COL13A1: variants seen among roughly 807,000 people sequenced by gnomAD.
COL13A1 encodes the protein collagen alpha-1(XIII) chain.
Under a neutral mutation model 130.9 loss-of-function variants are expected in COL13A1, and 89 were observed. The ratio of observed to expected loss-of-function variants is 0.68; its 90% CI spans 0.57 to 0.81. The LOEUF (loss-of-function observed/expected upper bound fraction) is 0.81, where lower values mean the gene tolerates loss of function less well. COL13A1 is among the 30% of genes least tolerant of loss of function. The pLI is 0.00. For missense variants in COL13A1, 879 were observed against 934.6 expected, an observed-to-expected ratio of 0.94 and a Z score of 0.78; for synonymous variants, 402 against 341.6, an observed-to-expected ratio of 1.18 and a Z score of -1.95.
chr10:69,836,130 G>T (rs1168177615), intron 2 of COL13A1, among the ~76,000 whole-genome samples: 1 of 152,176 alleles, frequency 6.6e-6, no homozygotes, highest in Non-Finnish European at 1.5e-5. Context: ...CCACCAAACA[G>T]TTTTTGAGCA....
chr10:69,853,078 G>A (rs1445314509), intron 2 of COL13A1, among the ~76,000 whole-genome samples: 2 of 152,148 alleles, frequency 1.3e-5, no homozygotes, highest in Non-Finnish European at 2.9e-5. Context: ...TCTTCCTAGC[G>A]ATCAGCATCT....
intron 2 of COL13A1, among the ~76,000 whole-genome samples, chr10:69,825,321 A>C (rs1315875459): frequency 6.6e-6 from 1 of 152,208 alleles, no homozygotes; most frequent in Non-Finnish European, 1.5e-5. Flanking sequence ...GTTTATAAAC[A>C]ACTTTAAGGC....
At chr10:69,889,368 T>C in intron 9 of COL13A1, 46 bp from the exon 10 acceptor site, 3 of 1,595,214 alleles carry the variant, frequency 1.9e-6, no homozygotes, top group South Asian at 1.1e-5. Flanking sequence ...GTGGAACTTC[T>C]GGGCTGCGAA....
rs759296053 is a variant in COL13A1, at chr10:69,918,283, A to G, written c.967-2A>G. On this transcript the variant is annotated splice_acceptor_variant, in intron 18 of 40. Coordinates refer to ENST00000645393, the MANE Select transcript of COL13A1 (RefSeq NM_001368882.1). LOFTEE classifies it high-confidence loss of function. ...AGACCTTTTTTTTTCTCTCTCTGCC[A>G]GGGGGCGCCCGGAATTGCCGTGGCT... 13 of 1,610,490 alleles carry G rather than the reference A, an allele frequency of 8.1e-6. No homozygotes were observed. In the Admixed American group the frequency reaches 1.0e-4, roughly 12 times the overall value.
At chr10:69,808,655 C>T (rs1316812208) in intron 1 of COL13A1, among the ~76,000 whole-genome samples, 7 of 152,228 alleles carry the variant, frequency 4.6e-5, no homozygotes, top group African/African-American at 1.2e-4. Flanking sequence ...CATTGTACAA[C>T]GGTCTCTCCA....
intron 1 of COL13A1, among the ~76,000 whole-genome samples, chr10:69,816,447 T>C (rs1026228177): frequency 6.6e-6 from 1 of 151,676 alleles, no homozygotes; most frequent in Non-Finnish European, 1.5e-5. Flanking sequence ...AGCAGCCAGA[T>C]AGATGCATCT....
intron 7 of COL13A1, among the ~76,000 whole-genome samples, chr10:69,886,001 A>G (rs2134471178): frequency 6.6e-6 from 1 of 152,256 alleles, no homozygotes; most frequent in African/African-American, 2.4e-5. Flanking sequence ...TTCCCTGAGC[A>G]CAGGCCACTG....
intron 14 of COL13A1, among the ~76,000 whole-genome samples, chr10:69,899,995 C>A (rs1260677153): frequency 6.6e-6 from 1 of 152,198 alleles, no homozygotes; most frequent in Non-Finnish European, 1.5e-5. Flanking sequence ...CAGAGGGACA[C>A]GTGACTCCAG....
intron 32 of COL13A1, among the ~76,000 whole-genome samples, chr10:69,936,142 AAGG>A (rs1463505196): frequency 3.1e-4 from 1 of 3,204 alleles, no homozygotes; most frequent in African/African-American, 3.5e-4. Context: ...GGAAGGAAGG[AAGG>A]AAGGAAGGAA....
intron 1 of COL13A1, among the ~76,000 whole-genome samples, chr10:69,809,441 T>G (rs1277083118): frequency 6.6e-6 from 1 of 152,254 alleles, no homozygotes; most frequent in Non-Finnish European, 1.5e-5. Flanking sequence ...CACTAAATCC[T>G]CACAATAATC....
At chr10:69,855,954 T>G (rs1212659673) in intron 2 of COL13A1, among the ~76,000 whole-genome samples, 1 of 152,222 alleles carries the variant, frequency 6.6e-6, no homozygotes, top group Non-Finnish European at 1.5e-5. Flanking sequence ...CACCCATCCA[T>G]TCATTTAATT....
chr10:69,930,652 T>G, intron 30 of COL13A1, 100 bp downstream of exon 30: 1 of 1,355,872 alleles, frequency 7.4e-7, no homozygotes, highest in Non-Finnish European at 9.9e-7. Flanking sequence ...AGCTGCTGCC[T>G]GGGCTAGAAA....
intron 13 of COL13A1, among the ~76,000 whole-genome samples, chr10:69,897,839 G>T (rs1366384657): frequency 2.6e-5 from 4 of 152,212 alleles, no homozygotes; most frequent in Non-Finnish European, 2.9e-5. Flanking sequence ...TTTCACATGG[G>T]CTCTGATGGC....
At chr10:69,877,979 C>T (rs1213892730) in intron 5 of COL13A1, 60 bp from the exon 6 acceptor site, 8 of 699,112 alleles carry the variant, frequency 1.1e-5, no homozygotes, top group African/African-American at 5.2e-5. Context: ...TTCTCATCCC[C>T]TCTTTTTTCT....
chr10:69,956,938 CT>C, intron 39 of COL13A1, 65 bp from the exon 40 acceptor site: 1 of 1,342,436 alleles, frequency 7.4e-7, no homozygotes, highest in Non-Finnish European at 1.1e-6. Context: ...CTTGTTACCC[CT>C]GTCCTGCCCA....
rs4096395 is a variant in COL13A1 at position 69,956,753 on chromosome 10, C to T, written c.2146-251C>T. The T allele has an allele frequency of 0.23, 98,327 of 425,268 alleles. 12,751 individuals are homozygous for T. The highest frequency in any genetic ancestry group is 0.28 in the Admixed American group (8,361 of 29,988). The allele number at this position is 425,268 out of a possible 1,614,324, so 26.3% of individuals were successfully genotyped here. On this transcript the variant is annotated intron_variant, in intron 39 of 40. Coordinates refer to ENST00000645393, the MANE Select transcript of COL13A1 (RefSeq NM_001368882.1). ...AGGACATCTCTGCTTGCTGGTCCCA[C>T]GGGCTAGGACAGCCCCTATTGACGT...
intron 15 of COL13A1, 77 bp from the exon 16 acceptor site, chr10:69,904,856 A>G: frequency 6.7e-7 from 1 of 1,482,498 alleles, no homozygotes; most frequent in Non-Finnish European, 9.1e-7. Flanking sequence ...CCTAGGGTCT[A>G]CTGTAAGTAT....
Position 69,939,691 on chromosome 10 carries a change from G to A in COL13A1, c.1879-1297G>A, listed in dbSNP as rs546728820. On this transcript the variant is annotated intron_variant, in intron 34 of 40. Transcript: ENST00000645393. ...AGCTTTTCAAACTCACCATCACCCC[G>A]GGCTTCACTCTTGGAGATTTTGAAT... is the stretch of plus-strand genomic sequence containing the variant. 8.5e-5 allele frequency among the ~76,000 whole-genome samples: 13 copies of A among 152,274 alleles called. No homozygotes were observed. In the East Asian group the frequency reaches 1.9e-3, roughly 23 times the overall value.
chr10:69,828,309 A>G (rs1484197337), intron 2 of COL13A1, among the ~76,000 whole-genome samples: 2 of 151,328 alleles, frequency 1.3e-5, no homozygotes, highest in Non-Finnish European at 2.9e-5. Flanking sequence ...TTGCAGCCCC[A>G]CCGCATGTCC....
Sources: allele counts gnomAD v4.1 joint callset (sites outside exome capture counted in the v4.1 genomes callset), GRCh38; gene constraint gnomAD v4.1.1; transcripts MANE v1.5; gene names NCBI Gene and HGNC (gene_info 2026-07-23, HGNC 2026-07-21).